The following HYCC2 variants were observed in gnomAD, a reference collection of about 807,000 sequenced individuals.
HYCC2 encodes the protein hyccin 2.
At chr2:201,018,764 G>T in the HYCC2 span, among the ~76,000 whole-genome samples, 1 of 152,100 alleles carries the variant, frequency 6.6e-6, no homozygotes, top group Non-Finnish European at 1.5e-5. Context: ...CCAGGAGTTT[G>T]AGGCTGCATT....
the HYCC2 span, among the ~76,000 whole-genome samples, chr2:201,030,052 A>G: frequency 2.0e-5 from 3 of 152,220 alleles, no homozygotes; most frequent in East Asian, 5.8e-4. Flanking sequence ...ATGCCAGTGT[A>G]CTCCAGCCTG....
At chr2:201,064,744 G>A in the HYCC2 span, among the ~76,000 whole-genome samples, 5 of 152,118 alleles carry the variant, frequency 3.3e-5, no homozygotes, top group South Asian at 2.1e-4. Flanking sequence ...ATCAATAAAC[G>A]ATTTAATTCT....
chr2:200,981,229 A>G, the HYCC2 span: 18 of 1,585,686 alleles, frequency 1.1e-5, no homozygotes, highest in Admixed American at 3.1e-4. This position sits in a 1 kb window ranked among gnomAD's most constrained non-coding sequence, Gnocchi z 4.5. Flanking sequence ...TGAAATGTTC[A>G]GTTTAAAAGG....
chr2:201,056,106 AT>A, the HYCC2 span, among the ~76,000 whole-genome samples: 1 of 152,068 alleles, frequency 6.6e-6, no homozygotes, highest in Admixed American at 6.5e-5. Context: ...AGGCAGGAGA[AT>A]GGCATGAACC....
the HYCC2 span, among the ~76,000 whole-genome samples, chr2:201,051,880 C>T: frequency 6.6e-6 from 1 of 152,194 alleles, no homozygotes; most frequent in Non-Finnish European, 1.5e-5. Flanking sequence ...CCATAGAGAA[C>T]ACCCCAATCC....
the HYCC2 span, among the ~76,000 whole-genome samples, chr2:201,066,488 TAAAG>T: frequency 4.6e-5 from 7 of 151,948 alleles, no homozygotes; most frequent in African/African-American, 1.7e-4. Context: ...AATAAATAAA[TAAAG>T]AACGAATACA....
At chr2:201,038,083 A>C in the HYCC2 span, among the ~76,000 whole-genome samples, 132 of 152,260 alleles carry the variant, frequency 8.7e-4, no homozygotes, top group Middle Eastern at 0.02. Context: ...GTGGGCAAAG[A>C]ATATGAACAG....
the HYCC2 span, among the ~76,000 whole-genome samples, chr2:201,034,801 G>C: frequency 2.0e-5 from 3 of 152,296 alleles, no homozygotes; most frequent in African/African-American, 4.8e-5. Flanking sequence ...GGGCAGGCCT[G>C]GTGGTGACAA....
At chr2:201,033,825 C>G in the HYCC2 span, among the ~76,000 whole-genome samples, 1 of 152,100 alleles carries the variant, frequency 6.6e-6, no homozygotes, top group Non-Finnish European at 1.5e-5. Flanking sequence ...AGGCATGAGC[C>G]ACTGCACCCA....
the HYCC2 span, among the ~76,000 whole-genome samples, chr2:200,989,749 T>C: frequency 1.3e-5 from 2 of 152,152 alleles, no homozygotes; most frequent in African/African-American, 2.4e-5. Context: ...GGAAGGTGGA[T>C]GTTACAGTGA....
chr2:200,996,263 C>T, the HYCC2 span: 1 of 152,224 alleles, frequency 6.6e-6, no homozygotes, highest in African/African-American at 2.4e-5. Context: ...CTCCTGACCT[C>T]AGGCCTTGGC....
chr2:200,975,638 T>A, the HYCC2 span: 3 of 152,208 alleles, frequency 2.0e-5, no homozygotes, highest in Admixed American at 2.0e-4. Flanking sequence ...GCAAAACATA[T>A]ACCTTACATT....
At chr2:201,040,651 A>T in the HYCC2 span, among the ~76,000 whole-genome samples, 1 of 151,740 alleles carries the variant, frequency 6.6e-6, no homozygotes, top group Non-Finnish European at 1.5e-5. Flanking sequence ...TATCCGGCTA[A>T]TTTTTTTATT....
the HYCC2 span, among the ~76,000 whole-genome samples, chr2:201,047,199 A>G: frequency 7.7e-3 from 1,169 of 152,252 alleles, 19 homozygotes; most frequent in African/African-American, 0.027. Context: ...AGCCGGCAGC[A>G]CATCAGTCTC....
chr2:201,017,184 A>G, the HYCC2 span: 3 of 1,605,786 alleles, frequency 1.9e-6, no homozygotes, highest in East Asian at 6.7e-5. Context: ...AAAGGAAAAT[A>G]AAGTGCACTG....
chr2:201,010,002 G>A, the HYCC2 span, among the ~76,000 whole-genome samples: 9 of 151,664 alleles, frequency 5.9e-5, no homozygotes, highest in Admixed American at 2.0e-4. Context: ...TACTCGGAAG[G>A]CTGAGACAGG....
At chr2:201,001,759 G>A in the HYCC2 span, among the ~76,000 whole-genome samples, 2 of 151,710 alleles carry the variant, frequency 1.3e-5, no homozygotes, top group African/African-American at 2.4e-5. Flanking sequence ...TGCAACCTCC[G>A]CCTCCTGGGT....
chr2:200,996,232 G>A, the HYCC2 span: 5 of 152,236 alleles, frequency 3.3e-5, no homozygotes, highest in Admixed American at 2.6e-4. Flanking sequence ...GTTTCACCAC[G>A]TTGGCCAGGC....
At chr2:201,040,516 A>G in the HYCC2 span, among the ~76,000 whole-genome samples, 1 of 150,162 alleles carries the variant, frequency 6.7e-6, no homozygotes, top group Admixed American at 6.7e-5. Flanking sequence ...TTTTTGAGAC[A>G]AAGTCTCTGT....
Sources: gnomAD v4.1 joint callset for allele counts (sites outside exome capture counted in the v4.1 genomes callset) on GRCh38, gnomAD v4.1.1 for gene constraint, Gnocchi (gnomAD v3.1) non-coding constraint, MANE v1.5 for transcripts, NCBI Gene and HGNC (gene_info 2026-07-23, HGNC 2026-07-21) for gene names.